TUBE1: variants seen among roughly 807,000 people sequenced by gnomAD.
TUBE1 encodes tubulin epsilon 1.
A neutral mutation model predicts 53.5 loss-of-function variants in TUBE1; 34 were observed. That is an observed-to-expected ratio of 0.64 (90% CI 0.48 to 0.85). The LOEUF (loss-of-function observed/expected upper bound fraction) is 0.85, where lower values mean the gene tolerates loss of function less well. TUBE1 is among the 40% of genes least tolerant of loss of function. TUBE1 has a pLI of 0.00. For synonymous variants in TUBE1, 177 were observed against 198.4 expected (o/e 0.89, Z 0.91); for missense variants, 532 against 570.5 (o/e 0.93, Z 0.69).
chr6:112,076,292 T>G (rs1554316053), intron 7 of TUBE1, 30 bp downstream of exon 7: 6 of 1,516,116 alleles, frequency 4.0e-6, no homozygotes, highest in Admixed American at 4.2e-5. Flanking sequence ...TATATAACAT[T>G]TATTCATAAG....
intron 9 of TUBE1, 64 bp downstream of exon 9, chr6:112,074,646 C>T: frequency 2.3e-6 from 3 of 1,284,892 alleles, no homozygotes; most frequent in Non-Finnish European, 3.1e-6. Context: ...AAACTTTTTT[C>T]TCTTAAAAAT....
At chr6:112,077,609 A>T (rs1776993532) in intron 6 of TUBE1, 1 of 152,146 alleles carries the variant, frequency 6.6e-6, no homozygotes, top group African/African-American at 2.4e-5. Context: ...GGTTAAAAAA[A>T]ACTTTAAACA....
rs371208716 is a variant in TUBE1 at position 112,076,031 on chromosome 6, C to G, written c.718G>C (p.Val240Leu). The G allele has an allele frequency of 8.7e-6, 14 of 1,613,876 alleles. No individual in the cohort carries two copies. Among genetic ancestry groups the G allele is most frequent in the South Asian group, 6.6e-5 (6 of 91,068 alleles). ...TTTAAAGCCCCAGAACTTGAAGTAACCAGACTCTTTGGCTTCACAGTTGTA... is the reference window on the plus strand; with the variant it reads ...TTTAAAGCCCCAGAACTTGAAGTAAGCAGACTCTTTGGCTTCACAGTTGTA... ...LGTTVKPKSL[V>L]TSSSGALKKQ... The change falls in exon 8 of 12, where the codon GTT becomes CTT. Residue 240 changes from valine (V) to leucine (L), a missense_variant. Val to Leu is a conservative substitution (Grantham distance 32). Transcript: ENST00000368662.
rs77508085 is a variant in TUBE1 at position 112,085,704 on chromosome 6, G to A, written c.152+852C>T. The A allele has an allele frequency of 1.8e-4, 83 of 471,656 alleles. No individual in the cohort carries two copies. The East Asian group carries it at 3.3e-3, about 19-fold the overall frequency. The allele number at this position is 471,656 out of a possible 1,614,324, so 29.2% of individuals were successfully genotyped here. The stretch of plus-strand genomic sequence containing the variant: ...TTTGGTCTGATTCCATGGTCACCAA[G>A]CAACCTTCAGATTATTACACAGCTT... On this transcript the variant is annotated intron_variant, in intron 3 of 11. Transcript: ENST00000368662.
intron 4 of TUBE1, among the ~76,000 whole-genome samples, chr6:112,082,106 T>C (rs1278635826): frequency 6.6e-6 from 1 of 152,156 alleles, no homozygotes; most frequent in Non-Finnish European, 1.5e-5. Flanking sequence ...AGTTTAATCA[T>C]GTGTGTAATT....
At position 112,072,096 on chromosome 6, in the gene TUBE1, T is replaced by A. The variant is rs1373352713; in HGVS notation, c.1095-20A>T. ...TTTAATCTGAGATTAAAAAAAAAAA[T>A]CTCAGAAGGTGAGAACTAAGGTACT... is the stretch of plus-strand genomic sequence containing the variant. On this transcript the variant is annotated intron_variant, in intron 10 of 11. Coordinates refer to ENST00000368662, the MANE Select transcript of TUBE1 (RefSeq NM_016262.5). 8.5e-6 allele frequency: 13 copies of A among 1,535,636 alleles called. No homozygotes were observed. The highest frequency in any genetic ancestry group is 1.1e-5 in the Non-Finnish European group (13 of 1,139,534).
rs1226959483 is a variant in TUBE1, at chr6:112,071,817, CT to C, written c.1269+84del. On this transcript the variant is annotated intron_variant, in intron 11 of 11. Coordinates refer to ENST00000368662, the MANE Select transcript of TUBE1 (RefSeq NM_016262.5). ...ACGCACATAATAGAAAACATCACCCCTGATTTGTAATAGTGTAATTTTTAAG... is the reference window on the plus strand; with the variant it reads ...ACGCACATAATAGAAAACATCACCCCGATTTGTAATAGTGTAATTTTTAAG... 7 of 1,328,230 alleles carry C rather than the reference CT, an allele frequency of 5.3e-6. No homozygotes were observed. In the East Asian group the frequency reaches 1.2e-4, roughly 23 times the overall value. 82.3% of individuals were successfully genotyped at this position (1,328,230 alleles called of 1,614,324 possible).
intron 4 of TUBE1, among the ~76,000 whole-genome samples, chr6:112,082,678 T>C (rs1777090135): frequency 6.6e-6 from 1 of 152,222 alleles, no homozygotes; most frequent in South Asian, 2.1e-4. Flanking sequence ...TTAACTAAAC[T>C]TTGGGAGAGT....
chr6:112,078,493 T>C (rs1204223668), intron 6 of TUBE1: 1 of 152,034 alleles, frequency 6.6e-6, no homozygotes, highest in Admixed American at 6.5e-5. Flanking sequence ...CATGCTTTGA[T>C]AGGCATAGAA....
At chr6:112,074,992 T>G (rs587751412) in intron 8 of TUBE1, 142 bp from the exon 9 acceptor site, 40 of 411,562 alleles carry the variant, frequency 9.7e-5, no homozygotes, top group African/African-American at 7.8e-4. Context: ...TTCTTCCATA[T>G]TAGTGAAAGT....
intron 8 of TUBE1, 166 bp downstream of exon 8, chr6:112,075,771 T>A (rs1377749610): frequency 7.2e-6 from 4 of 556,158 alleles, no homozygotes; most frequent in Non-Finnish European, 1.2e-5. Context: ...TGCTTTGGAG[T>A]CATAGAAGGT....
At position 112,074,828 on chromosome 6, in the gene TUBE1, G is replaced by A; in HGVS notation, c.835C>T (p.Leu279Phe). Residue 279 changes from leucine to phenylalanine, a missense_variant, in exon 9 of 12, where the codon CTT becomes TTT. Transcript: ENST00000368662. Reference protein sequence around the residue: ...LTSSARFEGSLNMDLNEISMN... With the variant: ...LTSSARFEGSFNMDLNEISMN... ...CTGATTTCATTAAGGTCCATATTAA[G>A]GGACCCTTCAAATCTTGCAGAGCTA... The A allele has an allele frequency of 6.3e-7, 1 of 1,588,288 alleles. No individual in the cohort carries two copies. The highest frequency in any genetic ancestry group is 8.5e-7 in the Non-Finnish European group (1 of 1,172,232).
intron 3 of TUBE1, chr6:112,085,668 A>T (rs1777139367): frequency 2.1e-6 from 1 of 471,708 alleles, no homozygotes; most frequent in Non-Finnish European, 4.4e-6. Context: ...CCATTAAAGT[A>T]ACTAACTTCC....
rs77373289 is a variant in TUBE1, at chr6:112,076,124, A to G, written c.637-12T>C. 4,310 of 1,606,440 alleles carry G rather than the reference A, an allele frequency of 2.7e-3. 111 individuals are homozygous for G. In the African/African-American group the frequency reaches 0.052, roughly 19 times the overall value. ...ATGTCAAATAAAGACTTTTGAGGGA[A>G]AAACATTGGGAGAGAAGCTATTAAG... On this transcript the variant is annotated splice_polypyrimidine_tract_variant and intron_variant, in intron 7 of 11. Coordinates refer to ENST00000368662, the MANE Select transcript of TUBE1 (RefSeq NM_016262.5).
intron 4 of TUBE1, among the ~76,000 whole-genome samples, chr6:112,083,285 G>C (rs1554316955): frequency 6.6e-6 from 1 of 150,882 alleles, no homozygotes; most frequent in African/African-American, 2.4e-5. Flanking sequence ...TACTACACCA[G>C]GTCTGATCCT....
At chr6:112,072,194 C>A in intron 10 of TUBE1, 118 bp from the exon 11 acceptor site, 1 of 711,926 alleles carries the variant, frequency 1.4e-6, no homozygotes, top group Non-Finnish European at 2.2e-6. Flanking sequence ...AATCTACTTG[C>A]TTAGTTTAGA....
chr6:112,078,736 T>A (rs1273008875), intron 6 of TUBE1: 1 of 151,984 alleles, frequency 6.6e-6, no homozygotes, highest in Non-Finnish European at 1.5e-5. Context: ...TAGCTCAAAT[T>A]TGCAGGTTAA....
At position 112,076,417 on chromosome 6, in the gene TUBE1, CAGA is replaced by C. The variant is rs1776969719; in HGVS notation, c.538_540del (p.Ser180del). ...GGTGAGGTTATGACATCATCCTCAC[CAGA>C]AGGATAAATGGAAGTCACAAATCTG... On this transcript the variant is annotated inframe_deletion, in exon 7 of 12. Transcript: ENST00000368662. The C allele has an allele frequency of 6.2e-7, 1 of 1,613,556 alleles. No individual in the cohort carries two copies. The highest frequency in any genetic ancestry group is 8.5e-7 in the Non-Finnish European group (1 of 1,179,760).
intron 4 of TUBE1, among the ~76,000 whole-genome samples, chr6:112,082,923 G>A (rs1000431472): frequency 1.3e-5 from 2 of 152,094 alleles, no homozygotes; most frequent in Admixed American, 6.5e-5. Context: ...AGCTCTTAAG[G>A]AGAAAATGGA....
Sources: gnomAD v4.1 joint callset for allele counts (sites outside exome capture counted in the v4.1 genomes callset) on GRCh38, gnomAD v4.1.1 for gene constraint, MANE v1.5 for transcripts, NCBI Gene and HGNC (gene_info 2026-07-23, HGNC 2026-07-21) for gene names.